Variants in PFKP observed in about 807,000 individuals in gnomAD.
PFKP encodes ATP-dependent 6-phosphofructokinase, platelet type.
In PFKP, 101 loss-of-function variants were observed where a neutral mutation model predicts 94.3. The ratio of observed to expected loss-of-function variants is 1.07; its 90% CI spans 0.91 to 1.26. PFKP has a LOEUF of 1.26. Ranked by LOEUF, PFKP falls within the 50% of genes most tolerant of loss-of-function variation. The pLI, the probability that PFKP is intolerant of heterozygous loss-of-function variation, is 0.00. For missense variants in PFKP, 1,145 were observed against 1,103.3 expected (o/e 1.04, Z -0.53); for synonymous variants, 573 against 432.6 (o/e 1.32, Z -4.03).
chr10:3,089,713 CA>C (rs1833901056), intron 2 of PFKP, among the ~76,000 whole-genome samples: 1 of 149,694 alleles, frequency 6.7e-6, no homozygotes, highest in South Asian at 2.1e-4. Flanking sequence ...ATATCGTATA[CA>C]ATGTTATACA....
chr10:3,086,374 C>T (rs74111903), intron 2 of PFKP, among the ~76,000 whole-genome samples: 8,229 of 152,280 alleles, frequency 0.054, 735 homozygotes, highest in African/African-American at 0.19. Flanking sequence ...TCACTTTCTC[C>T]GCGTCACCAC....
chr10:3,130,278 G>A (rs1838428594), intron 17 of PFKP, among the ~76,000 whole-genome samples: 1 of 152,146 alleles, frequency 6.6e-6, no homozygotes, highest in South Asian at 2.1e-4. Flanking sequence ...CCAATGATTT[G>A]AGAACCTCCG....
In PFKP at chr10:3,128,905, G is replaced by A. The variant is rs139771837; in HGVS notation, c.1684-914G>A. 5.5e-3 allele frequency: 835 copies of A among 152,500 alleles called. 5 individuals are homozygous for A. The highest frequency in any genetic ancestry group is 0.031 in the Middle Eastern group (9 of 294). 9.4% of individuals were successfully genotyped at this position (152,500 alleles called of 1,614,324 possible). On this transcript the variant is annotated intron_variant, in intron 16 of 21. Transcript: ENST00000381125. The stretch of plus-strand genomic sequence containing the variant: ...TCCAAAGGCCCCAGGAGGACCTGGG[G>A]TGGCTGGAACAGGACCTGGTGCCGG...
intron 1 of PFKP, among the ~76,000 whole-genome samples, chr10:3,075,509 A>G (rs528179548): frequency 2.7e-5 from 4 of 149,796 alleles, no homozygotes; most frequent in Admixed American, 6.7e-5. Context: ...CCAACGGGAG[A>G]ATCTCCCAAG....
At chr10:3,122,117 C>T (rs1369832542) in intron 16 of PFKP, among the ~76,000 whole-genome samples, 1 of 152,122 alleles carries the variant, frequency 6.6e-6, no homozygotes, top group African/African-American at 2.4e-5. Context: ...GCCACCGCGC[C>T]GGGCCTGAAG....
At chr10:3,136,399 T>C in intron 21 of PFKP, 51 bp from the exon 22 acceptor site, 1 of 1,598,062 alleles carries the variant, frequency 6.3e-7, no homozygotes, top group Non-Finnish European at 8.6e-7. Context: ...GGCGGAGGCA[T>C]CTCCCGCCAG....
At chr10:3,132,306 A>G (rs1339958351) in intron 17 of PFKP, 74 bp from the exon 18 acceptor site, 1 of 1,025,878 alleles carries the variant, frequency 9.7e-7, no homozygotes, top group African/African-American at 1.6e-5. Flanking sequence ...GGCACTTCCC[A>G]GCCTGCAGTG....
chr10:3,081,559 G>A (rs372312175), intron 1 of PFKP, among the ~76,000 whole-genome samples: 3 of 152,196 alleles, frequency 2.0e-5, no homozygotes, highest in Admixed American at 6.5e-5. Flanking sequence ...TGCGGCCCTC[G>A]TGCCTTTTCA....
At chr10:3,111,526 G>A (rs11251722) in intron 10 of PFKP, among the ~76,000 whole-genome samples, 33,994 of 152,088 alleles carry the variant, frequency 0.22, 4,685 homozygotes, top group East Asian at 0.32. Flanking sequence ...GTGTGGCTTT[G>A]TTTTTAAAGC....
intron 13 of PFKP, among the ~76,000 whole-genome samples, chr10:3,114,897 A>AG (rs1351141257): frequency 2.0e-5 from 3 of 152,184 alleles, no homozygotes; most frequent in Non-Finnish European, 4.4e-5. Context: ...AGCTTTCTAA[A>AG]GGGACCCGCT....
rs902686578 is a variant in PFKP, at chr10:3,097,388, C to G, written c.187-1887C>G. Among the ~76,000 whole-genome samples the G allele has an allele frequency of 2.0e-5, 3 of 152,048 alleles. No individual in the cohort carries two copies. In the East Asian group the frequency reaches 5.8e-4, roughly 29 times the overall value. On this transcript the variant is annotated intron_variant, in intron 2 of 21. Transcript: ENST00000381125. ...CTCACACTTGCTCACCCTCGCCCTC[C>G]GGGGGACGGCTACACTGGGCTCATC...
chr10:3,133,557 A>AG (rs754287168), intron 19 of PFKP, among the ~76,000 whole-genome samples: 2 of 152,166 alleles, frequency 1.3e-5, no homozygotes, highest in Non-Finnish European at 2.9e-5. Context: ...CAGCCTCCCG[A>AG]GGAGATGGCA....
At chr10:3,072,614 T>G (rs1231731593) in intron 1 of PFKP, among the ~76,000 whole-genome samples, 1 of 152,046 alleles carries the variant, frequency 6.6e-6, no homozygotes, top group African/African-American at 2.4e-5. Flanking sequence ...CAGACCGTTT[T>G]GTGTGCCATA....
chr10:3,071,455 T>C (rs1832191028), intron 1 of PFKP, among the ~76,000 whole-genome samples: 1 of 144,432 alleles, frequency 6.9e-6, no homozygotes, highest in Non-Finnish European at 1.5e-5. Context: ...TTTTTCTTTC[T>C]CTTCTTCTGC....
In PFKP at chr10:3,071,427, GTTTTT is replaced by G. The variant is rs569603765; in HGVS notation, c.112+3738_112+3742del. ...GCTTGGATATCTTCTGTCTCAGGCTGTTTTTTTTTTTTTTTTTTTTTTCTTTCTCT... is the reference window on the plus strand; with the variant it reads ...GCTTGGATATCTTCTGTCTCAGGCTGTTTTTTTTTTTTTTTTTCTTTCTCT... On this transcript the variant is annotated intron_variant, in intron 1 of 21. Coordinates refer to ENST00000381125, the MANE Select transcript of PFKP (RefSeq NM_002627.5). 9.8e-4 allele frequency among the ~76,000 whole-genome samples: 91 copies of G among 92,458 alleles called. 1 individual carries two copies. Among genetic ancestry groups the G allele is most frequent in the East Asian group, 5.0e-3 (17 of 3,376 alleles). 60.7% of individuals were successfully genotyped at this position (92,458 alleles called of 152,430 possible). A position where few individuals can be genotyped will look rare whatever the true frequency, so the allele number is the denominator to read the frequency against.
intron 4 of PFKP, 136 bp downstream of exon 4, chr10:3,101,690 T>A: frequency 1.7e-6 from 1 of 601,990 alleles, no homozygotes; most frequent in Non-Finnish European, 2.8e-6. Flanking sequence ...CAGGACTTTT[T>A]AGGATCTCAA....
chr10:3,100,882 A>AAAAAAAAAAAAT, intron 3 of PFKP: 2 of 1,125,614 alleles, frequency 1.8e-6, no homozygotes, highest in Non-Finnish European at 2.6e-6. Context: ...AAAAAAAAAA[A>AAAAAAAAAAAAT]TCCCCCTGGC....
chr10:3,128,761 T>TC (rs772032164), intron 16 of PFKP, among the ~76,000 whole-genome samples: 1 of 152,220 alleles, frequency 6.6e-6, no homozygotes, highest in Non-Finnish European at 1.5e-5. Flanking sequence ...TTCACCTTTA[T>TC]CACCGCATGA....
chr10:3,116,751 G>A, intron 13 of PFKP, 25 bp from the exon 14 acceptor site: 1 of 1,594,792 alleles, frequency 6.3e-7, no homozygotes, highest in Non-Finnish European at 8.6e-7. Flanking sequence ...CACTTTAGCT[G>A]TTTCGTTCTG....
Sources: allele counts gnomAD v4.1 joint callset (sites outside exome capture counted in the v4.1 genomes callset), GRCh38; gene constraint gnomAD v4.1.1; transcripts MANE v1.5; gene names NCBI Gene and HGNC (gene_info 2026-07-23, HGNC 2026-07-21).